Variants in SLC7A11 observed in about 807,000 individuals in gnomAD.
SLC7A11 encodes the protein cystine/glutamate transporter.
In SLC7A11, 35 loss-of-function variants were observed where a neutral mutation model predicts 54.5. The ratio of observed to expected loss-of-function variants is 0.64; its 90% CI spans 0.49 to 0.85. The LOEUF (loss-of-function observed/expected upper bound fraction) is 0.85. SLC7A11 is among the 40% of genes least tolerant of loss of function. SLC7A11 has a pLI of 0.00. For synonymous variants in SLC7A11, 230 were observed against 225.2 expected (o/e 1.02, Z -0.19); for missense variants, 583 against 618.1 (o/e 0.94, Z 0.60).
Position 138,226,300 on chromosome 4 carries a change from A to C in SLC7A11, c.521-2976T>G, listed in dbSNP as rs553653134. On this transcript the variant is annotated intron_variant, in intron 3 of 11. Transcript: ENST00000280612. ...TGATCCAGCAATCCCATTGCTGGGTACTTGATTGTGGTGATAGTTTCACAG... is the reference window on the plus strand; with the variant it reads ...TGATCCAGCAATCCCATTGCTGGGTCCTTGATTGTGGTGATAGTTTCACAG... Among the ~76,000 whole-genome samples, 10 of 152,286 alleles carry C rather than the reference A, an allele frequency of 6.6e-5. No individual in the cohort carries two copies. The South Asian group carries it at 2.1e-3, about 32-fold the overall frequency.
chr4:138,222,819 C>A (rs1401491184), intron 4 of SLC7A11, among the ~76,000 whole-genome samples: 5 of 151,890 alleles, frequency 3.3e-5, no homozygotes, highest in South Asian at 4.2e-4. Context: ...TTTCCAGATA[C>A]CTTTTTCTCT....
chr4:138,227,551 A>G (rs983572483), intron 3 of SLC7A11, among the ~76,000 whole-genome samples: 1 of 152,082 alleles, frequency 6.6e-6, no homozygotes, highest in Admixed American at 6.5e-5. Flanking sequence ...TAGTCATTTT[A>G]TTGGCTTTAT....
In SLC7A11 at chr4:138,171,954, G is replaced by A. The variant is rs1736436430; in HGVS notation, c.*2C>T. 6.3e-7 allele frequency: 1 copy of A among 1,594,424 alleles called. No individual in the cohort carries two copies. Among genetic ancestry groups the A allele is most frequent in the African/African-American group, 1.4e-5 (1 of 73,672 alleles). On this transcript the variant is annotated 3_prime_UTR_variant, in exon 12 of 12. Coordinates refer to ENST00000280612, the MANE Select transcript of SLC7A11 (RefSeq NM_014331.4). ...GATTGCCAAGATCTCAAGTCCATTA[G>A]TTCATAACTTATCTTCTTCTGGTAC...
At chr4:138,196,659 T>C (rs1276443260) in intron 6 of SLC7A11, among the ~76,000 whole-genome samples, 1 of 151,440 alleles carries the variant, frequency 6.6e-6, no homozygotes, top group Non-Finnish European at 1.5e-5. Context: ...TTTATTATTT[T>C]ATTTTATTAT....
At chr4:138,217,885 T>A (rs1737717424) in intron 5 of SLC7A11, among the ~76,000 whole-genome samples, 1 of 152,228 alleles carries the variant, frequency 6.6e-6, no homozygotes, top group Non-Finnish European at 1.5e-5. Context: ...TCTTTTGATG[T>A]CTAGCACCAC....
chr4:138,236,518 G>T, intron 1 of SLC7A11, 67 bp from the exon 2 acceptor site: 9 of 1,441,206 alleles, frequency 6.2e-6, no homozygotes, highest in Non-Finnish European at 8.5e-6. Flanking sequence ...CATTAGAATA[G>T]ATACAATAAT....
intron 10 of SLC7A11, among the ~76,000 whole-genome samples, chr4:138,180,365 T>C (rs1211844344): frequency 1.3e-5 from 2 of 152,068 alleles, no homozygotes; most frequent in Non-Finnish European, 1.5e-5. Context: ...ATTGAACACA[T>C]TCATGAAAAA....
chr4:138,230,181 T>C (rs897063236), intron 3 of SLC7A11, among the ~76,000 whole-genome samples: 1 of 152,134 alleles, frequency 6.6e-6, no homozygotes, highest in Non-Finnish European at 1.5e-5. Context: ...AAATACTGCA[T>C]GTTTTCACGT....
rs910957491 is a variant in SLC7A11 at position 138,200,647 on chromosome 4, A to G, written c.791+13938T>C. On this transcript the variant is annotated intron_variant, in intron 6 of 11. Transcript: ENST00000280612. ...AAAGGATCAGGATTTTAACTTATAA[A>G]TATAGACAAATTAATCCATCTCTGT... Among the ~76,000 whole-genome samples the G allele has an allele frequency of 2.1e-4, 32 of 152,244 alleles. 1 individual carries two copies. Among genetic ancestry groups the G allele is most frequent in the Middle Eastern group, 3.4e-3 (1 of 294 alleles).
rs192931410 is a variant in SLC7A11, at chr4:138,185,336, A to G, written c.792-92T>C. 4,882 of 1,389,646 alleles carry G rather than the reference A, an allele frequency of 3.5e-3. 19 individuals are homozygous for G. The highest frequency in any genetic ancestry group is 3.6e-3 in the Non-Finnish European group (3,574 of 985,744). The allele number at this position is 1,389,646 out of a possible 1,614,324, so 86.1% of individuals were successfully genotyped here. A position where few individuals can be genotyped will look rare whatever the true frequency, so the allele number is the denominator to read the frequency against. On this transcript the variant is annotated intron_variant, in intron 6 of 11. Transcript: ENST00000280612. Reference sequence around the variant, plus strand: ...TAACAGGCTAATTCAAATGAAGAATATAATGGTATCTACAATAATTATAGG... The same window carrying G: ...TAACAGGCTAATTCAAATGAAGAATGTAATGGTATCTACAATAATTATAGG...
chr4:138,194,561 T>C (rs1285030966), intron 6 of SLC7A11, among the ~76,000 whole-genome samples: 3 of 152,170 alleles, frequency 2.0e-5, no homozygotes, highest in Admixed American at 2.0e-4. Flanking sequence ...TAATTTCTCT[T>C]TGCTTCCATC....
chr4:138,182,205 A>G (rs1258741715), intron 9 of SLC7A11, 92 bp downstream of exon 9: 23 of 757,018 alleles, frequency 3.0e-5, no homozygotes, highest in Non-Finnish European at 5.2e-5. Context: ...ATGAATGAGA[A>G]AGTAAAATAC....
intron 6 of SLC7A11, among the ~76,000 whole-genome samples, chr4:138,204,976 A>T (rs1737374455): frequency 6.6e-6 from 1 of 152,012 alleles, no homozygotes; most frequent in South Asian, 2.1e-4. Context: ...TTTTTCAAAG[A>T]TTATAAAATA....
chr4:138,200,294 T>C (rs865839335), intron 6 of SLC7A11, among the ~76,000 whole-genome samples: 1 of 152,162 alleles, frequency 6.6e-6, no homozygotes, highest in Non-Finnish European at 1.5e-5. Context: ...TATTCTAACA[T>C]TTCAGCATTT....
intron 3 of SLC7A11, among the ~76,000 whole-genome samples, chr4:138,225,550 T>A (rs923131409): frequency 6.6e-6 from 1 of 152,050 alleles, no homozygotes; most frequent in Non-Finnish European, 1.5e-5. Flanking sequence ...AAATTATTTA[T>A]CTCTCCCCAA....
rs1736656472 is a variant in SLC7A11, at chr4:138,179,212, C to T, written c.1444+5G>A. 1 of 1,583,904 alleles carries T rather than the reference C, an allele frequency of 6.3e-7. No homozygotes were observed. Among genetic ancestry groups the T allele is most frequent in the Non-Finnish European group, 8.7e-7 (1 of 1,153,864 alleles). Reference sequence around the variant, plus strand: ...CAATGTCCTGAAAGTATTTAAAATTCTTACCCGACATTATTCTAAACCACC... The same window carrying T: ...CAATGTCCTGAAAGTATTTAAAATTTTTACCCGACATTATTCTAAACCACC... On this transcript the variant is annotated splice_donor_5th_base_variant and intron_variant, in intron 11 of 11. Coordinates refer to ENST00000280612, the MANE Select transcript of SLC7A11 (RefSeq NM_014331.4).
Position 138,231,616 on chromosome 4 carries a change from T to C in SLC7A11, c.520+651A>G, listed in dbSNP as rs182280258. On this transcript the variant is annotated intron_variant, in intron 3 of 11. Transcript: ENST00000280612. The stretch of plus-strand genomic sequence containing the variant: ...TTGGTACCTGGCATCTTTTGGGGAA[T>C]TAGAGTCATATATGGCTTCATATCA... 1.8e-3 allele frequency among the ~76,000 whole-genome samples: 276 copies of C among 152,296 alleles called. 2 individuals carry two copies. The highest frequency in any genetic ancestry group is 6.1e-3 in the African/African-American group (254 of 41,584).
chr4:138,223,276 A>G lies in SLC7A11; in HGVS notation c.569T>C (p.Ile190Thr). 6.2e-7 allele frequency: 1 copy of G among 1,613,708 alleles called. No individual in the cohort carries two copies. The highest frequency in any genetic ancestry group is 8.5e-7 in the Non-Finnish European group (1 of 1,179,642). The change falls in exon 4 of 12, where the codon ATC becomes ACC. Residue 190 changes from isoleucine (I) to threonine (T), a missense_variant. Transcript: ENST00000280612. ...CTTGCAAAAGGTTAAGAAAATCTGG[A>G]TCCGGGCGCTCCAGCTGACACTCAT... ...NSMSVSWSAR[I>T]QIFLTFCKLT... is the part of the protein sequence containing the mutation.
At chr4:138,186,169 A>G (rs537660921) in intron 6 of SLC7A11, among the ~76,000 whole-genome samples, 1 of 152,186 alleles carries the variant, frequency 6.6e-6, no homozygotes, top group African/African-American at 2.4e-5. Context: ...CTTGCTTAAC[A>G]TAATCGCCTC....
Sources: gnomAD v4.1 joint callset for allele counts (sites outside exome capture counted in the v4.1 genomes callset) on GRCh38, gnomAD v4.1.1 for gene constraint, MANE v1.5 for transcripts, NCBI Gene and HGNC (gene_info 2026-07-23, HGNC 2026-07-21) for gene names.